The following CD59 variants were observed in gnomAD, a reference collection of about 807,000 sequenced individuals.
CD59 encodes CD59 molecule (CD59 blood group), also known as CD59 glycoprotein.
A neutral mutation model predicts 7.0 loss-of-function variants in CD59; 3 were observed. That is an observed-to-expected ratio of 0.43 (90% CI 0.19 to 1.10). CD59 has a LOEUF of 1.10. Ranked by LOEUF, CD59 falls within the 50% of genes least tolerant of loss-of-function variation. CD59 has a pLI of 0.29. For missense variants in CD59, 143 were observed against 151.0 expected, an observed-to-expected ratio of 0.95 and a Z score of 0.28; for synonymous variants, 60 against 62.0, an observed-to-expected ratio of 0.97 and a Z score of 0.15.
chr11:33,725,525 T>C (rs1854230130), intron 1 of CD59, among the ~76,000 whole-genome samples: 1 of 152,164 alleles, frequency 6.6e-6, no homozygotes, highest in Non-Finnish European at 1.5e-5. Flanking sequence ...TTCTAAAGAA[T>C]GCACAACTGA....
chr11:33,711,606 C>T lies in CD59; in HGVS notation c.170-1263G>A, dbSNP rs949455235. 5.4e-6 allele frequency: 3 copies of T among 560,300 alleles called. No individual in the cohort carries two copies. In the African/African-American group the frequency reaches 5.8e-5, roughly 11 times the overall value. 34.7% of individuals were successfully genotyped at this position (560,300 alleles called of 1,614,324 possible). A position where few individuals can be genotyped will look rare whatever the true frequency, so the allele number is the denominator to read the frequency against. On this transcript the variant is annotated intron_variant, in intron 3 of 3. Coordinates refer to ENST00000642928, the MANE Select transcript of CD59 (RefSeq NM_000611.6). Reference sequence around the variant, plus strand: ...GCAGGAGGATCACTTGGACTCAGGACTTTAAGGCTGCAGTGAGCTATGATT... The same window carrying T: ...GCAGGAGGATCACTTGGACTCAGGATTTTAAGGCTGCAGTGAGCTATGATT...
At chr11:33,714,438 T>G (rs898354362) in intron 3 of CD59, among the ~76,000 whole-genome samples, 1 of 152,200 alleles carries the variant, frequency 6.6e-6, no homozygotes, top group African/African-American at 2.4e-5. Context: ...GAATGGAGCT[T>G]GTGAGATTGG....
At chr11:33,721,913 T>A (rs1263110413) in intron 2 of CD59, among the ~76,000 whole-genome samples, 2 of 152,180 alleles carry the variant, frequency 1.3e-5, no homozygotes, top group Non-Finnish European at 2.9e-5. Flanking sequence ...CTTAGAGTAG[T>A]GACTGGCACA....
In CD59 at chr11:33,721,351, C is replaced by T. The variant is rs3181144; in HGVS notation, c.67+1028G>A. Among the ~76,000 whole-genome samples the T allele has an allele frequency of 7.1e-3, 1,087 of 152,174 alleles. 16 individuals are homozygous for T. Among genetic ancestry groups the T allele is most frequent in the African/African-American group, 0.024 (991 of 41,512 alleles). ...GTACCGACCTCCCGGAATGGCTGGA[C>T]GGATTTAAATGAGACAGGCTCTGGC... is the stretch of plus-strand genomic sequence containing the variant. On this transcript the variant is annotated intron_variant, in intron 2 of 3. Transcript: ENST00000642928.
At chr11:33,721,872 G>A (rs1296433031) in intron 2 of CD59, among the ~76,000 whole-genome samples, 2 of 152,218 alleles carry the variant, frequency 1.3e-5, no homozygotes, top group African/African-American at 2.4e-5. Flanking sequence ...AGGTTGGCAT[G>A]AGGATTAAAT....
intron 3 of CD59, among the ~76,000 whole-genome samples, chr11:33,711,054 G>GT (rs1209371897): frequency 3.7e-5 from 2 of 54,202 alleles, no homozygotes; most frequent in Non-Finnish European, 7.7e-5. Flanking sequence ...AATAAAGGTG[G>GT]GGGGGGGGCA....
At chr11:33,735,069 C>T (rs1164850698) in intron 1 of CD59, among the ~76,000 whole-genome samples, 1 of 152,214 alleles carries the variant, frequency 6.6e-6, no homozygotes, top group African/African-American at 2.4e-5. Context: ...GTAGGGGAGG[C>T]AGCCTCCCTT....
At position 33,714,452 on chromosome 11, in the gene CD59, TC is replaced by T. The variant is rs1177807498; in HGVS notation, c.169+2917del. Among the ~76,000 whole-genome samples the T allele has an allele frequency of 7.2e-5, 11 of 152,328 alleles. No homozygotes were observed. The East Asian group carries it at 1.4e-3, about 19-fold the overall frequency. On this transcript the variant is annotated intron_variant, in intron 3 of 3. Transcript: ENST00000642928. The stretch of plus-strand genomic sequence containing the variant: ...TGAATGGAGCTTGTGAGATTGGAAG[TC>T]AGTGAATGAGTGGTGGGCGAATGTG...
chr11:33,734,802 G>A (rs1854517562), intron 1 of CD59, among the ~76,000 whole-genome samples: 1 of 152,196 alleles, frequency 6.6e-6, no homozygotes, highest in Non-Finnish European at 1.5e-5. Flanking sequence ...CAATGTCTGT[G>A]GCGGTTTGGC....
At chr11:33,735,579 C>G (rs1854542796) in intron 1 of CD59, among the ~76,000 whole-genome samples, 1 of 152,098 alleles carries the variant, frequency 6.6e-6, no homozygotes, top group African/African-American at 2.4e-5. Context: ...AAGAAGGGTG[C>G]GGCCCGAGCC....
At chr11:33,726,360 C>T (rs1854259756) in intron 1 of CD59, among the ~76,000 whole-genome samples, 1 of 152,178 alleles carries the variant, frequency 6.6e-6, no homozygotes, top group Non-Finnish European at 1.5e-5. Flanking sequence ...CAAATTAGAA[C>T]TCAGGATTAA....
At position 33,706,566 on chromosome 11, in the gene CD59, A is replaced by C. The variant is rs1206986814; in HGVS notation, c.*3560T>G. 6.6e-6 allele frequency: 1 copy of C among 151,874 alleles called. No homozygotes were observed. Among genetic ancestry groups the C allele is most frequent in the Non-Finnish European group, 1.5e-5 (1 of 67,966 alleles). The allele number at this position is 151,874 out of a possible 1,614,324, so 9.4% of individuals were successfully genotyped here. ...AGAAAGGGTTTAAAAAAAAAAAAAAAAAAAAACTTGTCCAGAGACATAGCC... is the reference window on the plus strand; with the variant it reads ...AGAAAGGGTTTAAAAAAAAAAAAAACAAAAAACTTGTCCAGAGACATAGCC... On this transcript the variant is annotated 3_prime_UTR_variant, in exon 4 of 4. Coordinates refer to ENST00000642928, the MANE Select transcript of CD59 (RefSeq NM_000611.6).
chr11:33,735,013 C>T (rs1854524503), intron 1 of CD59, among the ~76,000 whole-genome samples: 1 of 152,216 alleles, frequency 6.6e-6, no homozygotes, highest in Non-Finnish European at 1.5e-5. Context: ...TTTCTAGTTT[C>T]CACTGTGAAA....
intron 3 of CD59, among the ~76,000 whole-genome samples, chr11:33,717,021 G>A (rs144922489): frequency 6.6e-6 from 1 of 152,294 alleles, no homozygotes; most frequent in Non-Finnish European, 1.5e-5. Flanking sequence ...CACACAGTAG[G>A]TTCTCCAAGG....
chr11:33,712,138 T>C (rs899613640), intron 3 of CD59, among the ~76,000 whole-genome samples: 1 of 152,224 alleles, frequency 6.6e-6, no homozygotes, highest in African/African-American at 2.4e-5. Context: ...TTTTAAAATA[T>C]TTGAAACTTC....
intron 3 of CD59, 91 bp from the exon 4 acceptor site, chr11:33,710,434 G>T: frequency 1.9e-6 from 2 of 1,042,504 alleles, no homozygotes; most frequent in Non-Finnish European, 3.0e-6. Flanking sequence ...TATGTATCCT[G>T]TGCAAGTAGA....
intron 1 of CD59, chr11:33,722,751 TATAGCC>T (rs1854129739): frequency 1.7e-6 from 2 of 1,162,910 alleles, no homozygotes; most frequent in South Asian, 1.6e-5. Context: ...AATTGACTCA[TATAGCC>T]ACTGTGGTTC....
chr11:33,712,890 A>G (rs567546665), intron 3 of CD59, among the ~76,000 whole-genome samples: 1 of 152,350 alleles, frequency 6.6e-6, no homozygotes, highest in African/African-American at 2.4e-5. Context: ...TTTTCTCTGG[A>G]AGGATTCCCA....
intron 3 of CD59, among the ~76,000 whole-genome samples, chr11:33,712,752 C>T (rs975039375): frequency 1.1e-4 from 17 of 152,214 alleles, no homozygotes; most frequent in African/African-American, 4.1e-4. Flanking sequence ...CTGAATTATA[C>T]ACTTTAAAAT....
Sources: gnomAD v4.1 joint callset for allele counts (sites outside exome capture counted in the v4.1 genomes callset) on GRCh38, gnomAD v4.1.1 for gene constraint, MANE v1.5 for transcripts, NCBI Gene and HGNC (gene_info 2026-07-23, HGNC 2026-07-21) for gene names.